The following SLC35F4 variants were observed in gnomAD, a reference collection of about 807,000 sequenced individuals.
SLC35F4 encodes the protein solute carrier family 35 member F4.
A neutral mutation model predicts 44.2 loss-of-function variants in SLC35F4; 24 were observed. That is an observed-to-expected ratio of 0.54 (90% CI 0.39 to 0.76). The LOEUF (loss-of-function observed/expected upper bound fraction) is 0.76. Among genes scored for constraint, SLC35F4 ranks in the 30% least tolerant of loss-of-function variants. The pLI, the probability that SLC35F4 is intolerant of heterozygous loss-of-function variation, is 0.00. For synonymous variants in SLC35F4, 238 were observed against 223.6 expected, an observed-to-expected ratio of 1.06 and a Z score of -0.57; for missense variants, 562 against 586.1, an observed-to-expected ratio of 0.96 and a Z score of 0.42.
At chr14:57,857,628 T>C (rs1325773743) in intron 1 of SLC35F4, among the ~76,000 whole-genome samples, 2 of 152,062 alleles carry the variant, frequency 1.3e-5, no homozygotes, top group African/African-American at 4.8e-5. Context: ...ATAAATTCCC[T>C]GCTCTCCCCA....
At chr14:57,822,366 A>G (rs1271721136) in intron 1 of SLC35F4, among the ~76,000 whole-genome samples, 2 of 152,212 alleles carry the variant, frequency 1.3e-5, no homozygotes, top group African/African-American at 4.8e-5. Context: ...ATCAAAGCAC[A>G]GAAAGAAAAT....
chr14:57,705,641 A>T (rs967476931), intron 1 of SLC35F4, among the ~76,000 whole-genome samples: 4 of 152,098 alleles, frequency 2.6e-5, no homozygotes, highest in Admixed American at 2.6e-4. Flanking sequence ...GGGTTTGGGT[A>T]TCACTATTCT....
intron 1 of SLC35F4, among the ~76,000 whole-genome samples, chr14:57,790,038 A>G (rs1161715761): frequency 6.6e-6 from 1 of 152,226 alleles, no homozygotes. Context: ...AGCCAATATC[A>G]TACTGAATGG....
At position 57,620,216 on chromosome 14, in the gene SLC35F4, G is replaced by T. The variant is rs367983887; in HGVS notation, c.104-26092C>A. On this transcript the variant is annotated intron_variant, in intron 1 of 7. Coordinates refer to ENST00000556826, the MANE Select transcript of SLC35F4 (RefSeq NM_001306087.2). ...ACACCATAAAGATACTCCTTGAGAA[G>T]AGCAACCCCAAGACATAATTGTCAG... Among the ~76,000 whole-genome samples, 429 of 152,190 alleles carry T rather than the reference G, an allele frequency of 2.8e-3. 3 individuals carry two copies. The highest frequency in any genetic ancestry group is 9.7e-3 in the African/African-American group (403 of 41,518).
intron 1 of SLC35F4, among the ~76,000 whole-genome samples, chr14:57,731,069 A>C (rs1486640902): frequency 6.6e-6 from 1 of 152,192 alleles, no homozygotes; most frequent in Non-Finnish European, 1.5e-5. Context: ...AGATTCCTAG[A>C]AAAGGGGACC....
At chr14:57,589,115 T>C (rs931296915) in intron 3 of SLC35F4, 101 bp downstream of exon 3, 1 of 1,299,440 alleles carries the variant, frequency 7.7e-7, no homozygotes, top group Non-Finnish European at 1.1e-6. Flanking sequence ...TTTCTTCACA[T>C]ACCCCAAAAA....
At chr14:57,678,332 G>T (rs1302166962) in intron 1 of SLC35F4, among the ~76,000 whole-genome samples, 1 of 152,052 alleles carries the variant, frequency 6.6e-6, no homozygotes, top group Non-Finnish European at 1.5e-5. Context: ...GAGAGATTTT[G>T]TCACCACCAG....
At chr14:57,798,625 T>A (rs2078111658) in intron 1 of SLC35F4, among the ~76,000 whole-genome samples, 1 of 152,222 alleles carries the variant, frequency 6.6e-6, no homozygotes, top group Admixed American at 6.5e-5. Context: ...ACACACCTGC[T>A]GAAGAGACAA....
chr14:57,858,536 TG>T (rs1566909954), intron 1 of SLC35F4, among the ~76,000 whole-genome samples: 1 of 151,484 alleles, frequency 6.6e-6, no homozygotes, highest in African/African-American at 2.4e-5. Flanking sequence ...GTTGTGGGGT[TG>T]GGGGAGTGGG....
At chr14:57,667,721 A>T (rs1435783892) in intron 1 of SLC35F4, among the ~76,000 whole-genome samples, 7 of 151,604 alleles carry the variant, frequency 4.6e-5, no homozygotes, top group African/African-American at 1.7e-4. Flanking sequence ...CATTTTCTTA[A>T]TCCAGTCTAT....
intron 1 of SLC35F4, among the ~76,000 whole-genome samples, chr14:57,778,644 G>A (rs72713028): frequency 0.16 from 24,319 of 151,646 alleles, 2,290 homozygotes; most frequent in Admixed American, 0.27. Context: ...TCTACAGAAC[G>A]ATACACCCCA....
chr14:57,728,250 C>T (rs1340624227), intron 1 of SLC35F4, among the ~76,000 whole-genome samples: 3 of 151,870 alleles, frequency 2.0e-5, no homozygotes, highest in Non-Finnish European at 4.4e-5. Context: ...TTTTTCATCC[C>T]TTTATTTTCA....
At chr14:57,924,668 TG>T in intron 1 of SLC35F4, among the ~76,000 whole-genome samples, 1 of 152,092 alleles carries the variant, frequency 6.6e-6, no homozygotes, top group South Asian at 2.1e-4. Context: ...AGGATGGTCT[TG>T]ATCTCCTGAC....
At chr14:57,619,354 A>T (rs1227425629) in intron 1 of SLC35F4, among the ~76,000 whole-genome samples, 1 of 152,146 alleles carries the variant, frequency 6.6e-6, no homozygotes, top group Admixed American at 6.5e-5. Context: ...AACAGGCAGC[A>T]ATCTTTTCTG....
intron 1 of SLC35F4, among the ~76,000 whole-genome samples, chr14:57,921,962 C>T (rs1407312832): frequency 2.0e-5 from 3 of 152,098 alleles, no homozygotes; most frequent in African/African-American, 2.4e-5. Context: ...TTATGATTAC[C>T]CCAGTGTTTT....
At chr14:57,950,131 T>A (rs1187774152) in intron 1 of SLC35F4, among the ~76,000 whole-genome samples, 1 of 152,146 alleles carries the variant, frequency 6.6e-6, no homozygotes, top group East Asian at 1.9e-4. Context: ...TTTTCAAACT[T>A]TTAGATTTCT....
intron 1 of SLC35F4, among the ~76,000 whole-genome samples, chr14:57,594,732 A>G (rs989277976): frequency 6.6e-6 from 1 of 152,230 alleles, no homozygotes; most frequent in Non-Finnish European, 1.5e-5. Context: ...AACTGCCAAC[A>G]GTGTTTCCAA....
intron 1 of SLC35F4, among the ~76,000 whole-genome samples, chr14:57,849,382 G>T (rs537948537): frequency 6.6e-6 from 1 of 152,026 alleles, no homozygotes; most frequent in African/African-American, 2.4e-5. Context: ...GGCTGGTCTC[G>T]TACTCTCGAC....
At chr14:57,761,682 A>G (rs2077127867) in intron 1 of SLC35F4, among the ~76,000 whole-genome samples, 1 of 152,200 alleles carries the variant, frequency 6.6e-6, no homozygotes, top group Non-Finnish European at 1.5e-5. Context: ...AGAAAACACT[A>G]TCAGCGCATA....
Sources: allele counts gnomAD v4.1 joint callset (sites outside exome capture counted in the v4.1 genomes callset), GRCh38; gene constraint gnomAD v4.1.1; transcripts MANE v1.5; gene names NCBI Gene and HGNC (gene_info 2026-07-23, HGNC 2026-07-21).